CNGA3: variants seen among roughly 807,000 people sequenced by gnomAD.
CNGA3 encodes cyclic nucleotide gated channel subunit alpha 3.
A neutral mutation model predicts 46.6 loss-of-function variants in CNGA3; 42 were observed. That is an observed-to-expected ratio of 0.90 (90% CI 0.70 to 1.17). The LOEUF (loss-of-function observed/expected upper bound fraction) is 1.17, where lower values mean the gene tolerates loss of function less well. Among genes scored for constraint, CNGA3 ranks in the 50% most tolerant of loss-of-function variants. The pLI, the probability that CNGA3 is intolerant of heterozygous loss-of-function variation, is 0.00. For synonymous variants in CNGA3, 394 were observed against 369.4 expected, an observed-to-expected ratio of 1.07 and a Z score of -0.76; for missense variants, 893 against 890.7, an observed-to-expected ratio of 1.00 and a Z score of -0.03.
At chr2:98,364,016 A>T (rs1163413821) in intron 1 of CNGA3, among the ~76,000 whole-genome samples, 1 of 152,148 alleles carries the variant, frequency 6.6e-6, no homozygotes, top group Non-Finnish European at 1.5e-5. Context: ...TTAGCTCTTT[A>T]TGTTGAATTG....
chr2:98,355,341 TG>T (rs1691858228), intron 1 of CNGA3, among the ~76,000 whole-genome samples: 1 of 152,210 alleles, frequency 6.6e-6, no homozygotes. Flanking sequence ...TTTTCCTTTC[TG>T]TTTTTGAAGC....
At chr2:98,360,579 G>A (rs1692009305) in intron 1 of CNGA3, among the ~76,000 whole-genome samples, 1 of 152,108 alleles carries the variant, frequency 6.6e-6, no homozygotes, top group South Asian at 2.1e-4. Flanking sequence ...CATATTGCCT[G>A]GCACATAGTA....
At position 98,396,282 on chromosome 2, in the gene CNGA3, C is replaced by T. The variant is rs764917021; in HGVS notation, c.1112C>T (p.Pro371Leu). ...CTTACCACCATTGGTGAGACCCCAC[C>T]CCCCGTGAAAGATGAGGAGTATCTC... ...LTLTTIGETP[P>L]PVKDEEYLFV... The change falls in exon 8 of 8, where the codon CCC becomes CTC. Residue 371 changes from proline (P) to leucine (L), a missense_variant. Pro to Leu is a moderately conservative substitution (Grantham distance 98). This residue lies in a region of CNGA3 where 548 missense variants were observed against 570.8 expected (regional missense o/e 0.96). Coordinates refer to ENST00000272602, the MANE Select transcript of CNGA3 (RefSeq NM_001298.3). The T allele has an allele frequency of 6.2e-7, 1 of 1,610,938 alleles. No individual in the cohort carries two copies. The highest frequency in any genetic ancestry group is 8.5e-7 in the Non-Finnish European group (1 of 1,177,682).
intron 4 of CNGA3, among the ~76,000 whole-genome samples, chr2:98,382,283 C>T (rs879894495): frequency 1.3e-5 from 2 of 152,188 alleles, no homozygotes; most frequent in African/African-American, 4.8e-5. Flanking sequence ...CCTGTGTGGG[C>T]TTGGCTTTGT....
At chr2:98,386,782 G>A (rs894085505) in intron 5 of CNGA3, among the ~76,000 whole-genome samples, 3 of 152,216 alleles carry the variant, frequency 2.0e-5, no homozygotes, top group Non-Finnish European at 2.9e-5. Flanking sequence ...CTTTGAAGAT[G>A]TAGGAAGGGG....
chr2:98,391,975 G>T lies in CNGA3; in HGVS notation c.673+5G>T, dbSNP rs766732326. On this transcript the variant is annotated splice_donor_5th_base_variant and intron_variant, in intron 7 of 7. Transcript: ENST00000272602. ...TGCTTGTACGAGCTCGGACAGGTGA[G>T]TGTGCCCCAGGCCTGGGGAGGGGAC... The T allele has an allele frequency of 4.3e-6, 7 of 1,613,032 alleles. No individual in the cohort carries two copies. In the Admixed American group the frequency reaches 1.0e-4, roughly 23 times the overall value.
chr2:98,396,025 T>C lies in CNGA3; in HGVS notation c.855T>C (p.Phe285=). The C allele has an allele frequency of 2.5e-6, 4 of 1,614,264 alleles. No individual in the cohort carries two copies. Among genetic ancestry groups the C allele is most frequent in the Non-Finnish European group, 3.4e-6 (4 of 1,180,044 alleles). ...GCCTACTGAAGTTTTCCCGGCTCTTTGAATTCTTTGACCGCACAGAGACAA... is the reference window on the plus strand; with the variant it reads ...GCCTACTGAAGTTTTCCCGGCTCTTCGAATTCTTTGACCGCACAGAGACAA... ...FNRLLKFSRL[F]EFFDRTETRT... Residue 285 remains phenylalanine (F), a synonymous_variant, in exon 8 of 8, where the codon TTT becomes TTC. Coordinates refer to ENST00000272602, the MANE Select transcript of CNGA3 (RefSeq NM_001298.3).
intron 5 of CNGA3, 21 bp downstream of exon 5, chr2:98,383,462 C>T: frequency 6.2e-7 from 1 of 1,614,072 alleles, no homozygotes; most frequent in South Asian, 1.1e-5. Context: ...ACACACCCAG[C>T]AGAGCCCTCC....
At chr2:98,367,323 T>C (rs1052718308) in intron 1 of CNGA3, among the ~76,000 whole-genome samples, 1 of 151,644 alleles carries the variant, frequency 6.6e-6, no homozygotes, top group Admixed American at 6.6e-5. Flanking sequence ...GCCTCCCGAG[T>C]AGCTGGGACT....
chr2:98,384,114 C>T (rs1278624446), intron 5 of CNGA3, among the ~76,000 whole-genome samples: 1 of 152,140 alleles, frequency 6.6e-6, no homozygotes, highest in Non-Finnish European at 1.5e-5. Flanking sequence ...TGGTCTCGAC[C>T]TCCTGACCTC....
At chr2:98,359,935 G>C (rs1227919116) in intron 1 of CNGA3, among the ~76,000 whole-genome samples, 2 of 152,250 alleles carry the variant, frequency 1.3e-5, no homozygotes, top group Admixed American at 1.3e-4. Context: ...CTGGAGCAGG[G>C]GCAGGGTTCC....
chr2:98,383,497 T>C lies in CNGA3; in HGVS notation c.449+56T>C, dbSNP rs937465087. 1.4e-5 allele frequency: 22 copies of C among 1,574,966 alleles called. No individual in the cohort carries two copies. The African/African-American group carries it at 2.4e-4, about 17-fold the overall frequency. ...CCCAAGCCCGGTGCCCTCCACCCCA[T>C]AGAAGCCCCAGCTTGGCCTCTCTCC... On this transcript the variant is annotated intron_variant, in intron 5 of 7. Coordinates refer to ENST00000272602, the MANE Select transcript of CNGA3 (RefSeq NM_001298.3).
chr2:98,346,673 C>T (rs1409658557), intron 1 of CNGA3, 139 bp downstream of exon 1: 2 of 389,164 alleles, frequency 5.1e-6, no homozygotes, highest in Non-Finnish European at 9.1e-6. Context: ...GGGGCGGGCG[C>T]GGCGCTGTCC....
intron 1 of CNGA3, among the ~76,000 whole-genome samples, chr2:98,358,411 T>G (rs965870649): frequency 5.3e-5 from 8 of 152,152 alleles, no homozygotes; most frequent in African/African-American, 9.7e-5. Context: ...GCTGCTAATG[T>G]CCCCCAGAGA....
intron 6 of CNGA3, among the ~76,000 whole-genome samples, chr2:98,391,478 G>A (rs1347841991): frequency 6.6e-6 from 1 of 152,228 alleles, no homozygotes; most frequent in African/African-American, 2.4e-5. Context: ...CTGTTCCATT[G>A]TTAATCTCTC....
intron 5 of CNGA3, 139 bp downstream of exon 5, chr2:98,383,580 C>T: frequency 2.4e-6 from 2 of 847,218 alleles, no homozygotes; most frequent in Non-Finnish European, 2.0e-6. Context: ...AATCCTGTTC[C>T]CTTCGTTGGA....
At chr2:98,384,164 A>G (rs1296160249) in intron 5 of CNGA3, among the ~76,000 whole-genome samples, 1 of 152,232 alleles carries the variant, frequency 6.6e-6, no homozygotes, top group African/African-American at 2.4e-5. Flanking sequence ...CTAGGATTAC[A>G]GGCATGAGCC....
chr2:98,354,766 C>A (rs770275593), intron 1 of CNGA3, among the ~76,000 whole-genome samples: 4 of 152,174 alleles, frequency 2.6e-5, no homozygotes, highest in Non-Finnish European at 4.4e-5. Context: ...GCCTGGGTGA[C>A]ACAGTGAGAC....
intron 7 of CNGA3, among the ~76,000 whole-genome samples, chr2:98,393,556 G>A (rs776621345): frequency 6.6e-6 from 1 of 152,198 alleles, no homozygotes; most frequent in African/African-American, 2.4e-5. Flanking sequence ...TGAGGCTTGC[G>A]TGGGTGGCCT....
Sources: allele counts gnomAD v4.1 joint callset (sites outside exome capture counted in the v4.1 genomes callset), GRCh38; gene constraint gnomAD v4.1.1; regional missense constraint gnomAD v4.1.1; transcripts MANE v1.5; gene names NCBI Gene and HGNC (gene_info 2026-07-23, HGNC 2026-07-21).